MAEA: variants seen among roughly 807,000 people sequenced by gnomAD.
MAEA encodes macrophage erythroblast attacher, E3 ubiquitin ligase, also known as E3 ubiquitin-protein transferase MAEA.
A neutral mutation model predicts 46.2 loss-of-function variants in MAEA; 22 were observed. That is an observed-to-expected ratio of 0.48 (90% CI 0.34 to 0.68). The LOEUF is 0.68. MAEA is among the 30% of genes least tolerant of loss of function. MAEA has a pLI of 0.01. For synonymous variants in MAEA, 246 were observed against 222.6 expected, an observed-to-expected ratio of 1.11 and a Z score of -0.94; for missense variants, 393 against 558.1, an observed-to-expected ratio of 0.70 and a Z score of 2.98.
chr4:1,332,591 T>C lies in MAEA; in HGVS notation c.657-166T>C, dbSNP rs117411459. On this transcript the variant is annotated intron_variant, in intron 5 of 8. Coordinates refer to ENST00000303400, the MANE Select transcript of MAEA (RefSeq NM_001017405.3). Reference sequence around the variant, plus strand: ...CATTAGCTAGGTGTGGTGCTGCACATCTGCGGTCTCAGCTTCTCGGGAAGA... The same window carrying C: ...CATTAGCTAGGTGTGGTGCTGCACACCTGCGGTCTCAGCTTCTCGGGAAGA... The C allele has an allele frequency of 1.5e-3, 871 of 566,234 alleles. 19 individuals carry two copies. In the East Asian group the frequency reaches 0.026, roughly 17 times the overall value. The allele number at this position is 566,234 out of a possible 1,614,324, so 35.1% of individuals were successfully genotyped here. A position where few individuals can be genotyped will look rare whatever the true frequency, so the allele number is the denominator to read the frequency against.
Position 1,315,478 on chromosome 4 carries a change from G to C in MAEA, c.334G>C (p.Asp112His). The change falls in exon 3 of 9, where the codon GAC becomes CAC. Residue 112 changes from aspartate to histidine, a missense_variant. Coordinates refer to ENST00000303400, the MANE Select transcript of MAEA (RefSeq NM_001017405.3). ...CGAGCACCTCAAAGAGCATAGCAGCGACCAGCCCGCGGCGGCCAGCGTGTG... is the reference window on the plus strand; with the variant it reads ...CGAGCACCTCAAAGAGCATAGCAGCCACCAGCCCGCGGCGGCCAGCGTGTG... ...RIEHLKEHSS[D>H]QPAAASVWKR... 1 of 1,613,878 alleles carries C rather than the reference G, an allele frequency of 6.2e-7. No homozygotes were observed. The highest frequency in any genetic ancestry group is 1.3e-5 in the African/African-American group (1 of 75,050).
chr4:1,328,375 C>G (rs1739115987), intron 5 of MAEA, among the ~76,000 whole-genome samples: 1 of 152,240 alleles, frequency 6.6e-6, no homozygotes, highest in African/African-American at 2.4e-5. Flanking sequence ...GCAGTGGTCC[C>G]TGGCCTGGGC....
intron 2 of MAEA, among the ~76,000 whole-genome samples, chr4:1,313,985 G>A (rs1736830184): frequency 1.3e-5 from 2 of 152,128 alleles, no homozygotes; most frequent in African/African-American, 2.4e-5. Context: ...AGTGAGCAGA[G>A]ATTGTGTCAC....
In MAEA at chr4:1,309,680, G is replaced by A. The variant is rs1281247870; in HGVS notation, c.70-2299G>A. The A allele has an allele frequency of 3.9e-6, 6 of 1,531,654 alleles. No individual in the cohort carries two copies. In the Admixed American group the frequency reaches 7.9e-5, roughly 20 times the overall value. The allele number at this position is 1,531,654 out of a possible 1,614,324, so 94.9% of individuals were successfully genotyped here. A position where few individuals can be genotyped will look rare whatever the true frequency, so the allele number is the denominator to read the frequency against. On this transcript the variant is annotated intron_variant, in intron 1 of 8. Transcript: ENST00000303400. ...CCTGAGAGCCACTGGCAGGGAGGTG[G>A]GGTCTTCCAGTTGTGAAGACACCGT...
At position 1,315,659 on chromosome 4, in the gene MAEA, C is replaced by T. The variant is rs59318613; in HGVS notation, c.456+59C>T. ...AGCTGGCCCCAGGCCTATGGCCAGC[C>T]GCCCTGTGGCATGTCCCCCGGCATG... On this transcript the variant is annotated intron_variant, in intron 3 of 8. Transcript: ENST00000303400. 1.7e-4 allele frequency: 261 copies of T among 1,551,630 alleles called. No individual in the cohort carries two copies. The Middle Eastern group carries it at 2.6e-3, about 16-fold the overall frequency.
intron 6 of MAEA, chr4:1,335,182 G>T: frequency 1.0e-6 from 1 of 985,458 alleles, no homozygotes; most frequent in Non-Finnish European, 1.2e-6. Flanking sequence ...GTTCTGTGAT[G>T]CTTTAACCTA....
chr4:1,338,056 C>T (rs936359634), intron 7 of MAEA: 3 of 232,768 alleles, frequency 1.3e-5, no homozygotes, highest in African/African-American at 2.3e-5. Context: ...AGAGGGCTGG[C>T]GTGCTTGCCC....
Position 1,311,955 on chromosome 4 carries a change from C to A in MAEA, c.70-24C>A. 1 of 1,593,126 alleles carries A rather than the reference C, an allele frequency of 6.3e-7. No homozygotes were observed. Among genetic ancestry groups the A allele is most frequent in the Non-Finnish European group, 8.6e-7 (1 of 1,165,490 alleles). ...GGGCTCACACCAGGGGAGCAGATCC[C>A]TCACCATCCTCCTTCCTCTCCAGGT... On this transcript the variant is annotated intron_variant, in intron 1 of 8. Coordinates refer to ENST00000303400, the MANE Select transcript of MAEA (RefSeq NM_001017405.3). The surrounding 1 kb of genome is among the most constrained non-coding windows in gnomAD (Gnocchi z 4.4).
intron 1 of MAEA, among the ~76,000 whole-genome samples, chr4:1,306,226 C>T (rs934635422): frequency 3.3e-5 from 5 of 152,246 alleles, no homozygotes; most frequent in South Asian, 2.1e-4. Flanking sequence ...AATTCACCAT[C>T]GCGCTTTCCG....
At chr4:1,319,783 C>CCCAACA (rs57556979) in intron 3 of MAEA, among the ~76,000 whole-genome samples, 34,846 of 151,466 alleles carry the variant, frequency 0.23, 4,962 homozygotes, top group East Asian at 0.45. Context: ...CAAAGTAAGA[C>CCCAACA]TTTGTGGGAG....
chr4:1,338,872 T>C, intron 8 of MAEA: 1 of 655,952 alleles, frequency 1.5e-6, no homozygotes, highest in Non-Finnish European at 2.7e-6. Context: ...CCACCCTGCC[T>C]TAGCTTCGTT....
At chr4:1,292,284 C>T (rs1734173849) in intron 1 of MAEA, among the ~76,000 whole-genome samples, 1 of 152,154 alleles carries the variant, frequency 6.6e-6, no homozygotes, top group Non-Finnish European at 1.5e-5. Flanking sequence ...ACAGGGGATT[C>T]CTTTCTCTTC....
At chr4:1,313,166 C>A (rs550295955) in intron 2 of MAEA, among the ~76,000 whole-genome samples, 1 of 152,232 alleles carries the variant, frequency 6.6e-6, no homozygotes, top group African/African-American at 2.4e-5. Flanking sequence ...GCCTTCACTC[C>A]GGTGAGGTGG....
intron 1 of MAEA, among the ~76,000 whole-genome samples, chr4:1,304,376 C>T (rs927674292): frequency 1.3e-5 from 2 of 152,008 alleles, no homozygotes; most frequent in Non-Finnish European, 2.9e-5. Context: ...TCAAGCAGTC[C>T]TCCCACCTTA....
Position 1,312,112 on chromosome 4 carries a change from T to G in MAEA, c.203T>G (p.Val68Gly). ...GGCTGCCCCGCCGTGGACTCCGTGG[T>G]CAGCCTGCTGGACGGCGTGGTGGAG... ...LSGCPAVDSVVSLLDGVVEKL... is the reference protein window; with the variant it reads ...LSGCPAVDSVGSLLDGVVEKL... The change falls in exon 2 of 9, where the codon GTC (valine) becomes GGC (glycine). Residue 68 changes from valine (V) to glycine (G), a missense_variant. Val to Gly is a moderately radical substitution (Grantham distance 109). Transcript: ENST00000303400. The G allele has an allele frequency of 6.2e-7, 1 of 1,613,900 alleles. No individual in the cohort carries two copies. Among genetic ancestry groups the G allele is most frequent in the Non-Finnish European group, 8.5e-7 (1 of 1,180,052 alleles).
chr4:1,320,268 A>G (rs1413289425), intron 3 of MAEA, among the ~76,000 whole-genome samples: 1 of 147,086 alleles, frequency 6.8e-6, no homozygotes, highest in Non-Finnish European at 1.5e-5. Flanking sequence ...AGAAAACTCT[A>G]TGACGGGGCT....
chr4:1,317,349 C>T (rs1014447118), intron 3 of MAEA, among the ~76,000 whole-genome samples: 1 of 141,458 alleles, frequency 7.1e-6, no homozygotes, highest in African/African-American at 2.9e-5. Context: ...GACTCATCTG[C>T]AGGCCCCACA....
chr4:1,316,021 A>G (rs988999918), intron 3 of MAEA, among the ~76,000 whole-genome samples: 1 of 151,696 alleles, frequency 6.6e-6, no homozygotes, highest in Non-Finnish European at 1.5e-5. Flanking sequence ...GTCAGTGTCT[A>G]AGCGGCTCTC....
intron 4 of MAEA, among the ~76,000 whole-genome samples, chr4:1,325,725 C>G (rs931402859): frequency 6.6e-6 from 1 of 151,954 alleles, no homozygotes; most frequent in African/African-American, 2.4e-5. Flanking sequence ...TTCCCTTCCT[C>G]TCCTGCCAGG....
Sources: allele counts gnomAD v4.1 joint callset (sites outside exome capture counted in the v4.1 genomes callset), GRCh38; gene constraint gnomAD v4.1.1; non-coding constraint Gnocchi (gnomAD v3.1); transcripts MANE v1.5; gene names NCBI Gene and HGNC (gene_info 2026-07-23, HGNC 2026-07-21).